SHISA6: variants seen among roughly 807,000 people sequenced by gnomAD.
SHISA6 encodes protein shisa-6.
In SHISA6, 22 loss-of-function variants were observed where a neutral mutation model predicts 47.9. That is an observed-to-expected ratio of 0.46 (90% CI 0.33 to 0.66). The LOEUF (loss-of-function observed/expected upper bound fraction) is 0.66, where lower values mean the gene tolerates loss of function less well. Ranked by LOEUF, SHISA6 falls within the 30% of genes least tolerant of loss-of-function variation. SHISA6 has a pLI of 0.02. For missense variants in SHISA6, 680 were observed against 764.6 expected, an observed-to-expected ratio of 0.89 and a Z score of 1.30; for synonymous variants, 388 against 337.8, an observed-to-expected ratio of 1.15 and a Z score of -1.63.
rs5819314 is a variant in SHISA6, at chr17:11,360,966, G to GT, written c.800-18444dup. Among the ~76,000 whole-genome samples the GT allele has an allele frequency of 1.4e-3, 203 of 148,926 alleles. 1 individual carries two copies. Among genetic ancestry groups the GT allele is most frequent in the South Asian group, 4.0e-3 (19 of 4,740 alleles). ...AACACCAGTACTCCTTTTTCTCTTT[G>GT]TTTTCTTTTTCCCCCACTGATTTGA... On this transcript the variant is annotated intron_variant, in intron 2 of 5. Coordinates refer to ENST00000441885, the MANE Select transcript of SHISA6 (RefSeq NM_207386.4).
intron 1 of SHISA6, among the ~76,000 whole-genome samples, chr17:11,246,814 C>T (rs1907612307): frequency 6.6e-6 from 1 of 152,196 alleles, no homozygotes; most frequent in African/African-American, 2.4e-5. Flanking sequence ...TTATAAGACA[C>T]ATGTTGCCTT....
chr17:11,559,097 G>A lies in SHISA6; in HGVS notation c.*793G>A, dbSNP rs964632740. 1 of 153,026 alleles carries A rather than the reference G, an allele frequency of 6.5e-6. No homozygotes were observed. The allele number at this position is 153,026 out of a possible 1,614,324, so 9.5% of individuals were successfully genotyped here. ...GGCTGTGCTCCTTCCCTGGCCCTGA[G>A]GATTTCACCCTTGAGTTTTCTGGGG... On this transcript the variant is annotated 3_prime_UTR_variant, in exon 6 of 6. Transcript: ENST00000441885. This position sits in a 1 kb window ranked among gnomAD's most constrained non-coding sequence, Gnocchi z 4.4.
chr17:11,466,186 G>A (rs16944799), intron 3 of SHISA6, among the ~76,000 whole-genome samples: 26,934 of 152,084 alleles, frequency 0.18, 2,573 homozygotes, highest in East Asian at 0.29. Flanking sequence ...GTGCCTGCTG[G>A]ACACATAAAC....
At chr17:11,487,834 G>A (rs565613717) in intron 3 of SHISA6, among the ~76,000 whole-genome samples, 32 of 152,230 alleles carry the variant, frequency 2.1e-4, no homozygotes, top group African/African-American at 7.7e-4. Flanking sequence ...CTTCTTGAAG[G>A]CAAGTCACTG....
chr17:11,293,129 G>A (rs1909613179), intron 2 of SHISA6, among the ~76,000 whole-genome samples: 1 of 151,958 alleles, frequency 6.6e-6, no homozygotes, highest in Admixed American at 6.6e-5. Flanking sequence ...CCGGCCTCCA[G>A]ATTGATATTT....
At chr17:11,300,149 C>CAAAAAA (rs56060137) in intron 2 of SHISA6, among the ~76,000 whole-genome samples, 1 of 129,160 alleles carries the variant, frequency 7.7e-6, no homozygotes, top group African/African-American at 2.9e-5. Context: ...CATCTTAAAA[C>CAAAAAA]AAAAAAAAAA....
chr17:11,548,316 T>C (rs1237538538), intron 3 of SHISA6, among the ~76,000 whole-genome samples: 1 of 152,228 alleles, frequency 6.6e-6, no homozygotes, highest in Non-Finnish European at 1.5e-5. Context: ...TGCTTCATGC[T>C]ATACTGTTTC....
chr17:11,508,494 G>C (rs1380512312), intron 3 of SHISA6, among the ~76,000 whole-genome samples: 1 of 137,514 alleles, frequency 7.3e-6, no homozygotes, highest in African/African-American at 2.7e-5. Flanking sequence ...CTAAAGCTCA[G>C]GAACCAGTGG....
chr17:11,264,574 C>G (rs1177752966), intron 2 of SHISA6, among the ~76,000 whole-genome samples: 1 of 152,150 alleles, frequency 6.6e-6, no homozygotes, highest in African/African-American at 2.4e-5. Context: ...TAATCCTAGT[C>G]CCAGAGAAAG....
intron 3 of SHISA6, among the ~76,000 whole-genome samples, chr17:11,473,112 A>G (rs1915969513): frequency 6.6e-6 from 1 of 152,172 alleles, no homozygotes; most frequent in Admixed American, 6.6e-5. Context: ...GGCTGTACTC[A>G]TCTTCTCATT....
chr17:11,272,382 C>T (rs1908711600), intron 2 of SHISA6, among the ~76,000 whole-genome samples: 1 of 152,168 alleles, frequency 6.6e-6, no homozygotes, highest in African/African-American at 2.4e-5. Context: ...GCCCGGGGGC[C>T]TTTCTCCACT....
At chr17:11,355,680 T>G (rs568936866) in intron 2 of SHISA6, among the ~76,000 whole-genome samples, 1 of 152,330 alleles carries the variant, frequency 6.6e-6, no homozygotes, top group South Asian at 2.1e-4. Flanking sequence ...AGGTACCTTC[T>G]ATTGGGAGAA....
intron 3 of SHISA6, among the ~76,000 whole-genome samples, chr17:11,383,302 G>A (rs567583080): frequency 2.2e-4 from 33 of 152,182 alleles, no homozygotes; most frequent in African/African-American, 6.0e-4. Context: ...TAGCATCAGC[G>A]GGGGCTCTTC....
chr17:11,450,705 A>G (rs1463695567), intron 3 of SHISA6, among the ~76,000 whole-genome samples: 1 of 70,704 alleles, frequency 1.4e-5, no homozygotes, highest in East Asian at 4.6e-4. Flanking sequence ...AAAAGAAAAG[A>G]AAAAAAAATC....
intron 3 of SHISA6, among the ~76,000 whole-genome samples, chr17:11,444,747 A>G (rs773753832): frequency 6.6e-5 from 10 of 152,238 alleles, no homozygotes; most frequent in Non-Finnish European, 1.2e-4. Flanking sequence ...ACAATGGTTT[A>G]TAATTCTCTC....
intron 2 of SHISA6, among the ~76,000 whole-genome samples, chr17:11,320,151 T>G (rs1193621651): frequency 1.3e-5 from 2 of 152,238 alleles, no homozygotes; most frequent in African/African-American, 4.8e-5. Flanking sequence ...ATTTCTTAAG[T>G]AAATATTTTC....
At chr17:11,414,460 G>C (rs1260026406) in intron 3 of SHISA6, among the ~76,000 whole-genome samples, 2 of 152,140 alleles carry the variant, frequency 1.3e-5, no homozygotes, top group East Asian at 1.9e-4. Context: ...AAATGATACA[G>C]AAACTATGCT....
At chr17:11,496,927 A>G (rs945387100) in intron 3 of SHISA6, among the ~76,000 whole-genome samples, 21 of 152,188 alleles carry the variant, frequency 1.4e-4, no homozygotes, top group Admixed American at 1.3e-3. Context: ...ATTTTTCAAG[A>G]GAAGATAGGA....
At chr17:11,359,403 T>A (rs2142227874) in intron 2 of SHISA6, among the ~76,000 whole-genome samples, 1 of 152,296 alleles carries the variant, frequency 6.6e-6, no homozygotes, top group African/African-American at 2.4e-5. Flanking sequence ...TCTTCAACAA[T>A]ACATCTCATG....
Sources: gnomAD v4.1 joint callset for allele counts (sites outside exome capture counted in the v4.1 genomes callset) on GRCh38, gnomAD v4.1.1 for gene constraint, Gnocchi (gnomAD v3.1) non-coding constraint, MANE v1.5 for transcripts, NCBI Gene and HGNC (gene_info 2026-07-23, HGNC 2026-07-21) for gene names.